NIBAN1: variants seen among roughly 807,000 people sequenced by gnomAD.
NIBAN1 encodes protein Niban 1.
In NIBAN1, 81 loss-of-function variants were observed where a neutral mutation model predicts 75.1. The observed-to-expected ratio is 1.08, with a 90% confidence interval of 0.90 to 1.30. The LOEUF is 1.30. NIBAN1 is among the 50% of genes most tolerant of loss of function. The probability of loss-of-function intolerance (pLI) is 0.00; values close to 1 mark genes in which losing one functional copy is unlikely to be tolerated. For missense variants in NIBAN1, 1,133 were observed against 1,128.1 expected, an observed-to-expected ratio of 1.00 and a Z score of -0.06; for synonymous variants, 436 against 424.8, an observed-to-expected ratio of 1.03 and a Z score of -0.32.
chr1:184,862,980 T>C (rs1655855966), intron 5 of NIBAN1, among the ~76,000 whole-genome samples: 3 of 152,096 alleles, frequency 2.0e-5, no homozygotes, highest in African/African-American at 7.2e-5. Flanking sequence ...TGTTTTCTGA[T>C]CCTCTCCTTT....
intron 1 of NIBAN1, among the ~76,000 whole-genome samples, chr1:184,965,147 A>T (rs978936229): frequency 6.6e-6 from 1 of 152,076 alleles, no homozygotes; most frequent in Non-Finnish European, 1.5e-5. Context: ...AAAATACAAA[A>T]AATTAGCCAG....
chr1:184,884,537 T>C (rs1656460544), intron 5 of NIBAN1, 96 bp downstream of exon 5: 1 of 1,516,514 alleles, frequency 6.6e-7, no homozygotes, highest in African/African-American at 1.4e-5. Context: ...TCTGTGGCTC[T>C]TTCTAAGAAT....
At chr1:184,796,193 C>G in intron 13 of NIBAN1, 96 bp from the exon 14 acceptor site, 1 of 1,338,290 alleles carries the variant, frequency 7.5e-7, no homozygotes. Context: ...TTCTCCATTT[C>G]AAGACCCAGC....
intron 11 of NIBAN1, among the ~76,000 whole-genome samples, chr1:184,805,689 A>T (rs978325753): frequency 6.6e-6 from 1 of 152,116 alleles, no homozygotes; most frequent in African/African-American, 2.4e-5. Flanking sequence ...GTCGAGTTGG[A>T]TCTCTATGAA....
chr1:184,855,766 G>A lies in NIBAN1; in HGVS notation c.602-23804C>T, dbSNP rs114359736. Among the ~76,000 whole-genome samples, 1,455 of 152,228 alleles carry A rather than the reference G, an allele frequency of 9.6e-3. 31 individuals are homozygous for A. Among genetic ancestry groups the A allele is most frequent in the African/African-American group, 0.034 (1,400 of 41,524 alleles). On this transcript the variant is annotated intron_variant, in intron 5 of 13. Coordinates refer to ENST00000367511, the MANE Select transcript of NIBAN1 (RefSeq NM_052966.4). Reference sequence around the variant, plus strand: ...AACAGGCATCTTTGTTTTGCTCATTGCTGTATCCTGAGAACCTAGAATAGA... The same window carrying A: ...AACAGGCATCTTTGTTTTGCTCATTACTGTATCCTGAGAACCTAGAATAGA...
chr1:184,796,575 G>C (rs915337848), intron 13 of NIBAN1, among the ~76,000 whole-genome samples: 1 of 152,178 alleles, frequency 6.6e-6, no homozygotes, highest in Non-Finnish European at 1.5e-5. Context: ...CACATGCAGA[G>C]GAGAGGGCCA....
chr1:184,901,125 T>G (rs1004517284), intron 1 of NIBAN1, among the ~76,000 whole-genome samples: 2 of 152,174 alleles, frequency 1.3e-5, no homozygotes, highest in African/African-American at 4.8e-5. Flanking sequence ...ATACTCTCCA[T>G]ATGCAGAGAA....
At chr1:184,839,569 G>T (rs557346696) in intron 5 of NIBAN1, among the ~76,000 whole-genome samples, 38 of 147,334 alleles carry the variant, frequency 2.6e-4, no homozygotes, top group African/African-American at 9.4e-4. Flanking sequence ...GTGTGTGCAC[G>T]CGCGCGTGTG....
At chr1:184,809,508 A>G (rs1014775771) in intron 9 of NIBAN1, among the ~76,000 whole-genome samples, 3 of 152,084 alleles carry the variant, frequency 2.0e-5, no homozygotes, top group African/African-American at 7.2e-5. Context: ...TTGAAATGCA[A>G]TGGAAACATT....
chr1:184,836,604 G>C (rs1655152381), intron 5 of NIBAN1, among the ~76,000 whole-genome samples: 1 of 152,190 alleles, frequency 6.6e-6, no homozygotes, highest in African/African-American at 2.4e-5. Flanking sequence ...GTCAAAGAAG[G>C]AACCAGAAGG....
rs1655127784 is a variant in NIBAN1 at position 184,835,848 on chromosome 1, C to T, written c.602-3886G>A. On this transcript the variant is annotated intron_variant, in intron 5 of 13. Coordinates refer to ENST00000367511, the MANE Select transcript of NIBAN1 (RefSeq NM_052966.4). The stretch of plus-strand genomic sequence containing the variant: ...AATACCTTTTATTTCTTTCTTTTGC[C>T]TGACTGCCCTGGGCAGAACTTCCAA... Among the ~76,000 whole-genome samples, 2 of 152,140 alleles carry T rather than the reference C, an allele frequency of 1.3e-5. 1 individual carries two copies. The highest frequency in any genetic ancestry group is 2.9e-5 in the Non-Finnish European group (2 of 68,040).
intron 5 of NIBAN1, among the ~76,000 whole-genome samples, chr1:184,866,547 T>C (rs1655962136): frequency 6.6e-6 from 1 of 152,232 alleles, no homozygotes; most frequent in South Asian, 2.1e-4. Context: ...CCTATAATAA[T>C]ATTTCAATTT....
chr1:184,867,814 G>A (rs1198203149), intron 5 of NIBAN1: 13 of 975,498 alleles, frequency 1.3e-5, no homozygotes, highest in Non-Finnish European at 1.6e-5. Context: ...TTTTCGGTTT[G>A]TTTTGCCCCC....
Position 184,794,583 on chromosome 1 carries a change from T to A in NIBAN1, c.*394A>T. ...GGTAGACTTACAGTATACATTTGCA[T>A]TCTCAAACAAAATTAAAAAGCCTTA... On this transcript the variant is annotated 3_prime_UTR_variant, in exon 14 of 14. Transcript: ENST00000367511. The A allele has an allele frequency of 9.3e-6, 3 of 323,570 alleles. No individual in the cohort carries two copies. Among genetic ancestry groups the A allele is most frequent in the South Asian group, 8.0e-5 (3 of 37,652 alleles). The allele number at this position is 323,570 out of a possible 1,614,324, so 20.0% of individuals were successfully genotyped here. A position where few individuals can be genotyped will look rare whatever the true frequency, so the allele number is the denominator to read the frequency against.
intron 8 of NIBAN1, among the ~76,000 whole-genome samples, chr1:184,820,021 C>A: frequency 6.6e-6 from 1 of 152,200 alleles, no homozygotes; most frequent in Middle Eastern, 3.4e-3. Flanking sequence ...TATTACAAAT[C>A]ACTCAGAAAT....
Position 184,949,313 on chromosome 1 carries a change from G to A in NIBAN1, c.55+24989C>T, listed in dbSNP as rs145878128. Among the ~76,000 whole-genome samples the A allele has an allele frequency of 5.9e-5, 9 of 152,276 alleles. No individual in the cohort carries two copies. In the East Asian group the frequency reaches 1.7e-3, roughly 29 times the overall value. On this transcript the variant is annotated intron_variant, in intron 1 of 13. Transcript: ENST00000367511. ...GCAGACCTTGCAGTAAGCCGAGATTGCACCACTGCACTACAGCCTGGGCGA... is the reference window on the plus strand; with the variant it reads ...GCAGACCTTGCAGTAAGCCGAGATTACACCACTGCACTACAGCCTGGGCGA...
chr1:184,961,130 G>A (rs1487008903), intron 1 of NIBAN1, among the ~76,000 whole-genome samples: 2 of 136,666 alleles, frequency 1.5e-5, no homozygotes, highest in East Asian at 2.2e-4. Context: ...GTGCAGTGGC[G>A]CGATCTCGGC....
chr1:184,888,621 C>G (rs1239718648), intron 4 of NIBAN1, among the ~76,000 whole-genome samples: 2 of 152,122 alleles, frequency 1.3e-5, no homozygotes, highest in African/African-American at 4.8e-5. Flanking sequence ...TTAAAATGCC[C>G]CAATCTGAAG....
intron 1 of NIBAN1, among the ~76,000 whole-genome samples, chr1:184,967,526 A>C (rs1332897702): frequency 6.6e-6 from 1 of 152,202 alleles, no homozygotes; most frequent in Non-Finnish European, 1.5e-5. Context: ...ATATTAATGA[A>C]ATTAGAAACT....
Sources: gnomAD v4.1 joint callset for allele counts (sites outside exome capture counted in the v4.1 genomes callset) on GRCh38, gnomAD v4.1.1 for gene constraint, MANE v1.5 for transcripts, NCBI Gene and HGNC (gene_info 2026-07-23, HGNC 2026-07-21) for gene names.